The following ZNF385D variants were observed in gnomAD, a reference collection of about 807,000 sequenced individuals.
ZNF385D encodes zinc finger protein 385D, also known as zinc finger protein 659.
A neutral mutation model predicts 35.8 loss-of-function variants in ZNF385D; 15 were observed. The ratio of observed to expected loss-of-function variants is 0.42; its 90% confidence interval spans 0.28 to 0.64. The LOEUF is 0.64. ZNF385D is among the 30% of genes least tolerant of loss of function. The pLI is 0.23. For missense variants in ZNF385D, 474 were observed against 494.6 expected, an observed-to-expected ratio of 0.96 and a Z score of 0.39; for synonymous variants, 212 against 186.8, an observed-to-expected ratio of 1.13 and a Z score of -1.10.
intron 3 of ZNF385D, among the ~76,000 whole-genome samples, chr3:22,113,751 C>T (rs1203667660): frequency 6.6e-6 from 1 of 151,932 alleles, no homozygotes; most frequent in Non-Finnish European, 1.5e-5. Flanking sequence ...TTTGGGAGGC[C>T]AAGGCGGGTG....
At chr3:22,184,361 CT>C (rs1695484547) in intron 2 of ZNF385D, among the ~76,000 whole-genome samples, 1 of 146,092 alleles carries the variant, frequency 6.8e-6, no homozygotes, top group African/African-American at 2.6e-5. Context: ...TTTGCTTTGA[CT>C]TCAAGGGAGA....
intron 2 of ZNF385D, among the ~76,000 whole-genome samples, chr3:22,359,721 A>G (rs933566209): frequency 1.3e-5 from 2 of 151,920 alleles, no homozygotes; most frequent in East Asian, 3.9e-4. Flanking sequence ...TCAGTTTGAG[A>G]TAACGGGAAT....
chr3:22,155,525 G>A (rs1397626186), intron 3 of ZNF385D, among the ~76,000 whole-genome samples: 1 of 151,856 alleles, frequency 6.6e-6, no homozygotes, highest in African/African-American at 2.4e-5. Context: ...AGGCAAAAGG[G>A]GTCCTTGACT....
At chr3:21,706,666 G>T (rs1300006410) in intron 1 of ZNF385D, among the ~76,000 whole-genome samples, 5 of 152,146 alleles carry the variant, frequency 3.3e-5, no homozygotes, top group African/African-American at 1.2e-4. Context: ...GTAGAAAAGA[G>T]TCAGTTATAG....
intron 3 of ZNF385D, among the ~76,000 whole-genome samples, chr3:22,101,535 T>G (rs1048602979): frequency 9.9e-5 from 15 of 152,070 alleles, no homozygotes; most frequent in Admixed American, 2.6e-4. Context: ...AAATAGCATA[T>G]TATTACACCC....
intron 2 of ZNF385D, among the ~76,000 whole-genome samples, chr3:22,338,120 A>C: frequency 6.6e-6 from 1 of 152,332 alleles, no homozygotes; most frequent in East Asian, 1.9e-4. Flanking sequence ...TAATAAGTTG[A>C]GAAACATGAA....
chr3:22,153,726 A>C (rs937520782), intron 3 of ZNF385D, among the ~76,000 whole-genome samples: 1 of 152,044 alleles, frequency 6.6e-6, no homozygotes, highest in African/African-American at 2.4e-5. Flanking sequence ...GGCCTCCCAA[A>C]GTGCTGGCAT....
At chr3:21,737,352 C>T (rs1418392052) in intron 1 of ZNF385D, among the ~76,000 whole-genome samples, 1 of 151,694 alleles carries the variant, frequency 6.6e-6, no homozygotes, top group Non-Finnish European at 1.5e-5. Context: ...CATTAGATAC[C>T]ATGTAGCCAT....
chr3:21,956,106 G>A (rs1273937381), intron 3 of ZNF385D, among the ~76,000 whole-genome samples: 1 of 152,008 alleles, frequency 6.6e-6, no homozygotes, highest in Non-Finnish European at 1.5e-5. Context: ...GGATCTGCTT[G>A]AGCCCAGGAG....
Position 21,955,989 on chromosome 3 carries a change from G to A in ZNF385D, c.325+212828C>T, listed in dbSNP as rs77674081. 1.0e-3 allele frequency among the ~76,000 whole-genome samples: 158 copies of A among 152,012 alleles called. 1 individual carries two copies. In the East Asian group the frequency reaches 0.019, roughly 19 times the overall value. ...TCACTTGAGCTCAGGTATATGAAAC[G>A]AGCTTGGAAAACATGGCGAGAACCT... On this transcript the variant is annotated intron_variant, in intron 3 of 5. Transcript: ENST00000494108.
chr3:22,138,437 C>T (rs1358871266), intron 3 of ZNF385D, among the ~76,000 whole-genome samples: 1 of 152,080 alleles, frequency 6.6e-6, no homozygotes, highest in Non-Finnish European at 1.5e-5. Context: ...CTACAGTAAC[C>T]AAAACAGCAT....
chr3:21,874,987 C>T (rs1166459047), intron 3 of ZNF385D, among the ~76,000 whole-genome samples: 1 of 122,006 alleles, frequency 8.2e-6, no homozygotes, highest in Non-Finnish European at 1.8e-5. Flanking sequence ...TATTTTGATG[C>T]CTTTTTTTAT....
rs139791354 is a variant in ZNF385D at position 21,513,683 on chromosome 3, G to A, written c.277-2660C>T. On this transcript the variant is annotated intron_variant, in intron 3 of 7. Coordinates refer to ENST00000281523, the MANE Select transcript of ZNF385D (RefSeq NM_024697.3). ...TTGTGCAGGGTATGTGTGTTGGGGT[G>A]GAAGTGGGCATACAAGTTGGAAGGC... Among the ~76,000 whole-genome samples the A allele has an allele frequency of 7.8e-3, 1,180 of 152,108 alleles. 11 individuals are homozygous for A. The highest frequency in any genetic ancestry group is 0.027 in the African/African-American group (1,126 of 41,506).
At chr3:22,286,216 T>C in intron 2 of ZNF385D, among the ~76,000 whole-genome samples, 1 of 152,138 alleles carries the variant, frequency 6.6e-6, no homozygotes, top group Non-Finnish European at 1.5e-5. Context: ...AGATAATTAA[T>C]ATTTGTCTAA....
intron 1 of ZNF385D, among the ~76,000 whole-genome samples, chr3:21,738,057 G>A (rs2069331606): frequency 5.9e-5 from 9 of 152,234 alleles, no homozygotes; most frequent in Admixed American, 5.9e-4. Flanking sequence ...CAGACTTCCT[G>A]AAAGGGACCT....
intron 3 of ZNF385D, among the ~76,000 whole-genome samples, chr3:21,964,485 T>G (rs1227826858): frequency 8.4e-6 from 1 of 119,002 alleles, no homozygotes; most frequent in South Asian, 2.9e-4. Context: ...TTTTTTTTTT[T>G]TTTTTTTTTT....
chr3:21,692,574 G>C (rs982750477), intron 1 of ZNF385D, among the ~76,000 whole-genome samples: 8 of 152,176 alleles, frequency 5.3e-5, no homozygotes, highest in African/African-American at 1.9e-4. Context: ...CAGTCACTTT[G>C]TGCCTTCACA....
At chr3:21,713,256 A>C (rs1348313420) in intron 1 of ZNF385D, among the ~76,000 whole-genome samples, 1 of 152,234 alleles carries the variant, frequency 6.6e-6, no homozygotes, top group Non-Finnish European at 1.5e-5. Context: ...AACTATAAAA[A>C]GAAGACTGCC....
In ZNF385D at chr3:22,127,398, G is replaced by A. The variant is rs527438891; in HGVS notation, c.325+41419C>T. 3.4e-3 allele frequency among the ~76,000 whole-genome samples: 400 copies of A among 119,198 alleles called. 3 individuals are homozygous for A. The highest frequency in any genetic ancestry group is 0.012 in the African/African-American group (374 of 30,798). The allele number at this position is 119,198 out of a possible 152,430, so 78.2% of individuals were successfully genotyped here. A position where few individuals can be genotyped will look rare whatever the true frequency, so the allele number is the denominator to read the frequency against. On this transcript the variant is annotated intron_variant, in intron 3 of 5. Transcript: ENST00000494108. ...TCTGTCACCCAGGCTGGAATGCAGT[G>A]GTGCAATCTTGGTTCAATGAAACCT...
Sources: allele counts gnomAD v4.1 joint callset (sites outside exome capture counted in the v4.1 genomes callset), GRCh38; gene constraint gnomAD v4.1.1; transcripts MANE v1.5; gene names NCBI Gene and HGNC (gene_info 2026-07-23, HGNC 2026-07-21).